The following KDM6A variants were observed in gnomAD, a reference collection of about 807,000 sequenced individuals.
KDM6A encodes lysine demethylase 6A.
KDM6A carries 11 observed loss-of-function variants against 117.6 expected under a neutral mutation model. The ratio of observed to expected loss-of-function variants is 0.09; its 90% confidence interval spans 0.06 to 0.15. The LOEUF is 0.15. Ranked by LOEUF, KDM6A falls within the 10% of genes least tolerant of loss-of-function variation. The probability of loss-of-function intolerance (pLI) is 1.00; values close to 1 mark genes in which losing one functional copy is unlikely to be tolerated. For synonymous variants in KDM6A, 384 were observed against 396.1 expected, an observed-to-expected ratio of 0.97 and a Z score of 0.36; for missense variants, 799 against 1,077.3, an observed-to-expected ratio of 0.74 and a Z score of 3.62.
Position 45,037,681 on chromosome X carries a change from GAAA to G in KDM6A, c.647_649del (p.Glu216_Thr217delinsAla). The G allele has an allele frequency of 8.3e-7, 1 of 1,197,990 alleles. No homozygotes were observed. The highest frequency in any genetic ancestry group is 1.1e-6 in the Non-Finnish European group (1 of 884,209). ...TCAATTTCACATTGCCCACTTATAT[GAAA>G]CCCAGGTAAGTATTTTAACTTATTC... On this transcript the variant is annotated inframe_deletion, in exon 8 of 30. Transcript: ENST00000611820.
intron 8 of KDM6A, among the ~76,000 whole-genome samples, chrX:45,044,291 A>G (rs2043429380): frequency 8.9e-6 from 1 of 111,935 alleles, no homozygotes; most frequent in Non-Finnish European, 1.9e-5. Context: ...CTACAGTAAT[A>G]ATAGTATTAA....
At chrX:44,986,741 T>C (rs2040248659) in intron 4 of KDM6A, among the ~76,000 whole-genome samples, 1 of 112,171 alleles carries the variant, frequency 8.9e-6, no homozygotes, top group African/African-American at 3.2e-5. Context: ...TTCTTAATCC[T>C]GAGTTCTAGT....
chrX:44,890,817 T>G (rs1314947518), intron 2 of KDM6A, among the ~76,000 whole-genome samples: 1 of 107,613 alleles, frequency 9.3e-6, no homozygotes, highest in Non-Finnish European at 1.9e-5. Context: ...ACTACGCACA[T>G]CTAATATTTG....
chrX:44,875,926 C>T (rs937215097), intron 2 of KDM6A, among the ~76,000 whole-genome samples: 4 of 111,576 alleles, frequency 3.6e-5, no homozygotes, highest in African/African-American at 1.3e-4. Context: ...AATATTAAAC[C>T]CTGCAGTTAT....
At chrX:44,890,157 A>G (rs1295570376) in intron 2 of KDM6A, among the ~76,000 whole-genome samples, 2 of 112,450 alleles carry the variant, frequency 1.8e-5, no homozygotes, top group Non-Finnish European at 3.8e-5. Context: ...GGAATGTTAT[A>G]TAAGTGGGAT....
intron 17 of KDM6A, among the ~76,000 whole-genome samples, chrX:45,065,113 A>G (rs944566531): frequency 1.8e-5 from 2 of 112,037 alleles, no homozygotes; most frequent in African/African-American, 6.5e-5. Context: ...TATAAATCAG[A>G]AGGGCAGGGA....
At chrX:44,928,962 C>T (rs753541614) in intron 2 of KDM6A, among the ~76,000 whole-genome samples, 8 of 111,295 alleles carry the variant, frequency 7.2e-5, no homozygotes, top group East Asian at 2.8e-4. Flanking sequence ...GACGGAGTGT[C>T]GCTCTGTCAC....
At chrX:45,077,880 C>G (rs930634059) in intron 19 of KDM6A, among the ~76,000 whole-genome samples, 1 of 111,458 alleles carries the variant, frequency 9.0e-6, no homozygotes, top group Non-Finnish European at 1.9e-5. Flanking sequence ...ATCTCCAGAA[C>G]TTTCTCATCT....
intron 2 of KDM6A, among the ~76,000 whole-genome samples, chrX:44,948,257 C>T (rs758755332): frequency 5.4e-5 from 6 of 111,768 alleles, no homozygotes; most frequent in Non-Finnish European, 9.4e-5. Flanking sequence ...GCTGCCCTGG[C>T]GTCCTGGCTG....
intron 7 of KDM6A, among the ~76,000 whole-genome samples, chrX:45,036,033 C>T (rs947696538): frequency 8.9e-6 from 1 of 112,128 alleles, no homozygotes; most frequent in Admixed American, 9.5e-5. Context: ...TAAGAAAAAT[C>T]GAGCAATTAA....
chrX:44,938,145 A>C (rs1229211757), intron 2 of KDM6A, among the ~76,000 whole-genome samples: 3 of 111,242 alleles, frequency 2.7e-5, no homozygotes, highest in Non-Finnish European at 5.7e-5. Flanking sequence ...ATTTTCGTAG[A>C]GATGGGGTCT....
At chrX:45,006,165 C>G (rs750822504) in intron 4 of KDM6A, among the ~76,000 whole-genome samples, 3 of 85,175 alleles carry the variant, frequency 3.5e-5, no homozygotes, top group South Asian at 9.7e-4. Flanking sequence ...AGCCCTGCGC[C>G]CCCCCCCGCC....
At chrX:44,953,581 A>G (rs1405905875) in intron 2 of KDM6A, among the ~76,000 whole-genome samples, 2 of 111,860 alleles carry the variant, frequency 1.8e-5, no homozygotes, top group Non-Finnish European at 3.8e-5. Context: ...TTTTCTTTAC[A>G]ATATAATCTT....
At chrX:45,090,640 A>G (rs2045854897) in intron 26 of KDM6A, 83 bp from the exon 27 acceptor site, 5 of 995,482 alleles carry the variant, frequency 5.0e-6, no homozygotes, top group Non-Finnish European at 7.0e-6. Flanking sequence ...GATGTTGAAG[A>G]TATCACCTGA....
intron 4 of KDM6A, among the ~76,000 whole-genome samples, chrX:44,992,215 T>TGTC: frequency 2.2e-5 from 1 of 45,524 alleles, no homozygotes; most frequent in Admixed American, 2.3e-4. Context: ...TCTTTTTTTT[T>TGTC]TTTTTTTTTT....
intron 2 of KDM6A, among the ~76,000 whole-genome samples, chrX:44,916,760 C>T (rs1229609731): frequency 9.1e-6 from 1 of 110,281 alleles, no homozygotes; most frequent in East Asian, 2.8e-4. Context: ...ATCCTCCCAC[C>T]TCAGCCTTCC....
At position 45,055,448 on chromosome X, in the gene KDM6A, AT is replaced by A. The variant is rs2147936324; in HGVS notation, c.875+1498del. 3.6e-5 allele frequency among the ~76,000 whole-genome samples: 4 copies of A among 111,543 alleles called. No homozygotes were observed. The East Asian group carries it at 1.1e-3, about 31-fold the overall frequency. ...TAAGAGTTGACTGAAAAGGTATCTA[AT>A]TTTTGGTGAGGATTTCCTAATCCCT... On this transcript the variant is annotated intron_variant, in intron 10 of 29. Transcript: ENST00000611820.
intron 2 of KDM6A, among the ~76,000 whole-genome samples, chrX:44,914,058 T>G (rs771191845): frequency 8.9e-6 from 1 of 112,124 alleles, no homozygotes; most frequent in Non-Finnish European, 1.9e-5. Flanking sequence ...CCTGTCTCCT[T>G]TGTTTGGTGT....
intron 27 of KDM6A, among the ~76,000 whole-genome samples, chrX:45,097,710 A>G (rs2046171317): frequency 8.9e-6 from 1 of 111,827 alleles, no homozygotes; most frequent in Admixed American, 9.5e-5. Flanking sequence ...TACTTCCTTA[A>G]GCAAATCAGT....
Sources: gnomAD v4.1 joint callset for allele counts (sites outside exome capture counted in the v4.1 genomes callset) on GRCh38, gnomAD v4.1.1 for gene constraint, MANE v1.5 for transcripts, NCBI Gene and HGNC (gene_info 2026-07-23, HGNC 2026-07-21) for gene names.